The following PKNOX1 variants were observed in gnomAD, a reference collection of about 807,000 sequenced individuals.
PKNOX1 encodes PBX/knotted 1 homeobox 1, also known as homeobox protein PKNOX1.
In PKNOX1, 15 loss-of-function variants were observed where a neutral mutation model predicts 51.9. The ratio of observed to expected loss-of-function variants is 0.29; its 90% CI spans 0.19 to 0.45. The LOEUF (loss-of-function observed/expected upper bound fraction) is 0.45. Ranked by LOEUF, PKNOX1 falls within the 20% of genes least tolerant of loss-of-function variation. The pLI, the probability that PKNOX1 is intolerant of heterozygous loss-of-function variation, is 1.00. For missense variants in PKNOX1, 462 were observed against 547.5 expected, an observed-to-expected ratio of 0.84 and a Z score of 1.56; for synonymous variants, 219 against 211.1, an observed-to-expected ratio of 1.04 and a Z score of -0.32.
chr21:42,988,664 G>A (rs1244595161), intron 1 of PKNOX1, among the ~76,000 whole-genome samples: 1 of 152,180 alleles, frequency 6.6e-6, no homozygotes, highest in Non-Finnish European at 1.5e-5. Context: ...TCACTGTGGA[G>A]GGTCAGATTC....
intron 1 of PKNOX1, among the ~76,000 whole-genome samples, chr21:42,976,052 A>G (rs1304569822): frequency 6.6e-6 from 1 of 152,192 alleles, no homozygotes; most frequent in African/African-American, 2.4e-5. Context: ...ACTCTGCTTA[A>G]TTTACTTAGA....
intron 1 of PKNOX1, among the ~76,000 whole-genome samples, chr21:43,000,973 C>T (rs1005065124): frequency 2.0e-5 from 3 of 152,134 alleles, no homozygotes; most frequent in African/African-American, 7.2e-5. Context: ...CTCCTACCAC[C>T]ATTGAGGTGT....
intron 4 of PKNOX1, among the ~76,000 whole-genome samples, chr21:43,012,542 G>A (rs1180784504): frequency 6.6e-6 from 1 of 152,162 alleles, no homozygotes; most frequent in Non-Finnish European, 1.5e-5. Context: ...CCTCCAGCTT[G>A]GGCAATAAGA....
chr21:43,023,478 A>T (rs1367495640), intron 8 of PKNOX1, among the ~76,000 whole-genome samples: 1 of 152,132 alleles, frequency 6.6e-6, no homozygotes, highest in Non-Finnish European at 1.5e-5. Flanking sequence ...TTGATCCCAA[A>T]TCAAGGGCTT....
chr21:43,017,064 G>T (rs1000331560), intron 6 of PKNOX1, 57 bp downstream of exon 6: 4 of 1,136,644 alleles, frequency 3.5e-6, no homozygotes, highest in African/African-American at 3.0e-5. Flanking sequence ...AAATGGTCCT[G>T]TGTGTTAGAA....
At chr21:42,980,002 C>T (rs2059018692) in intron 1 of PKNOX1, among the ~76,000 whole-genome samples, 1 of 152,204 alleles carries the variant, frequency 6.6e-6, no homozygotes, top group Admixed American at 6.5e-5. Context: ...GGTAATGATA[C>T]TGAGTACAAT....
intron 1 of PKNOX1, among the ~76,000 whole-genome samples, chr21:42,986,170 A>G (rs2059051660): frequency 6.6e-6 from 1 of 152,136 alleles, no homozygotes; most frequent in Non-Finnish European, 1.5e-5. Flanking sequence ...TTATTTGAAT[A>G]TTACACTTCA....
chr21:42,975,104 G>C (rs1344719073), intron 1 of PKNOX1, among the ~76,000 whole-genome samples: 1 of 144,208 alleles, frequency 6.9e-6, no homozygotes, highest in African/African-American at 2.5e-5. Context: ...AGGGTCGGGG[G>C]CGCGCGGCGG....
At chr21:43,024,602 T>C in intron 8 of PKNOX1, 1 of 396,848 alleles carries the variant, frequency 2.5e-6, no homozygotes, top group Non-Finnish European at 4.5e-6. Context: ...CTCCTCATGA[T>C]GTCGCTGCTG....
chr21:43,023,696 C>T (rs1360531277), intron 8 of PKNOX1, among the ~76,000 whole-genome samples: 1 of 151,882 alleles, frequency 6.6e-6, no homozygotes, highest in Non-Finnish European at 1.5e-5. Context: ...CTCACTGCAA[C>T]CTCCGCTTCC....
At chr21:42,979,669 G>T (rs1277329415) in intron 1 of PKNOX1, among the ~76,000 whole-genome samples, 3 of 152,094 alleles carry the variant, frequency 2.0e-5, no homozygotes, top group Non-Finnish European at 4.4e-5. Flanking sequence ...GTGAACCCAG[G>T]GGGCGGAGCT....
intron 1 of PKNOX1, among the ~76,000 whole-genome samples, chr21:42,993,725 CTTTTTTTTTCTT>C (rs751880768): frequency 2.6e-3 from 11 of 4,264 alleles, no homozygotes; most frequent in Non-Finnish European, 3.5e-3. Context: ...TTCGTTAACT[CTTTTTTTTTCTT>C]TTTTTTTTTT....
Position 43,021,572 on chromosome 21 carries a change from T to C in PKNOX1, c.849+141T>C, listed in dbSNP as rs949588900. ...TCAGGACTTTGTGGCATGTCCATAA[T>C]GTGGGGAGCGTGGGGCACTGCTGCA... On this transcript the variant is annotated intron_variant, in intron 8 of 10. Transcript: ENST00000291547. This position sits in a 1 kb window ranked among gnomAD's most constrained non-coding sequence, Gnocchi z 4.6. 7.7e-6 allele frequency: 8 copies of C among 1,035,390 alleles called. No individual in the cohort carries two copies. Among genetic ancestry groups the C allele is most frequent in the Middle Eastern group, 3.3e-4 (1 of 3,042 alleles). The allele number at this position is 1,035,390 out of a possible 1,614,324, so 64.1% of individuals were successfully genotyped here.
chr21:42,986,273 C>T (rs900764980), intron 1 of PKNOX1, among the ~76,000 whole-genome samples: 4 of 151,990 alleles, frequency 2.6e-5, no homozygotes, highest in Admixed American at 6.6e-5. Context: ...GAGGCCAAGG[C>T]GGGTGGATCA....
At position 43,032,314 on chromosome 21, in the gene PKNOX1, T is replaced by TTCCCTCACCACCCTCCGTCTCTTTG. The variant is rs1555866025; in HGVS notation, c.*2236_*2237insTGTCCCTCACCACCCTCCGTCTCTT. On this transcript the variant is annotated 3_prime_UTR_variant, in exon 11 of 11. Transcript: ENST00000291547. ...ATGAAAGCCAGCCAGCCCTTCCTCCTTCCCTCACCACCCTCCGTCTCTTCG... is the reference window on the plus strand; with the variant it reads ...ATGAAAGCCAGCCAGCCCTTCCTCCTTCCCTCACCACCCTCCGTCTCTTTGTCCCTCACCACCCTCCGTCTCTTCG... 2.4e-6 allele frequency: 1 copy of TTCCCTCACCACCCTCCGTCTCTTTG among 414,962 alleles called. No homozygotes were observed. The highest frequency in any genetic ancestry group is 4.9e-6 in the Non-Finnish European group (1 of 202,554). The allele number at this position is 414,962 out of a possible 1,614,324, so 25.7% of individuals were successfully genotyped here.
chr21:43,008,284 A>C (rs1177445650), intron 3 of PKNOX1, among the ~76,000 whole-genome samples: 2 of 152,198 alleles, frequency 1.3e-5, no homozygotes, highest in African/African-American at 4.8e-5. Context: ...AATGCTTCCC[A>C]ACTCACTTTA....
chr21:43,003,649 T>A (rs1247528968), intron 1 of PKNOX1, among the ~76,000 whole-genome samples: 18 of 152,136 alleles, frequency 1.2e-4, no homozygotes, highest in Admixed American at 1.2e-3. Context: ...TTCTTGACCC[T>A]GTGTATTGTG....
rs367914736 is a variant in PKNOX1, at chr21:42,975,815, G to C, written c.-57+1151G>C. Among the ~76,000 whole-genome samples the C allele has an allele frequency of 5.3e-5, 8 of 152,358 alleles. No individual in the cohort carries two copies. In the South Asian group the frequency reaches 6.2e-4, roughly 12 times the overall value. On this transcript the variant is annotated intron_variant, in intron 1 of 10. Coordinates refer to ENST00000291547, the MANE Select transcript of PKNOX1 (RefSeq NM_004571.5). ...CGAGAGTTTGCTTTTTAAAACAGTA[G>C]ATGATTTTTCCTTAGGAAGTGGTTC...
chr21:43,011,558 C>G (rs1292041894), intron 4 of PKNOX1, among the ~76,000 whole-genome samples: 1 of 152,188 alleles, frequency 6.6e-6, no homozygotes, highest in African/African-American at 2.4e-5. Flanking sequence ...AGACCACACT[C>G]TCTGGGTGTG....
Sources: gnomAD v4.1 joint callset for allele counts (sites outside exome capture counted in the v4.1 genomes callset) on GRCh38, gnomAD v4.1.1 for gene constraint, Gnocchi (gnomAD v3.1) non-coding constraint, MANE v1.5 for transcripts, NCBI Gene and HGNC (gene_info 2026-07-23, HGNC 2026-07-21) for gene names.